SNTB1: variants seen among roughly 807,000 people sequenced by gnomAD.
The protein encoded by SNTB1 is beta-1-syntrophin.
Under a neutral mutation model 48.9 loss-of-function variants are expected in SNTB1, and 36 were observed. The ratio of observed to expected loss-of-function variants is 0.74; its 90% CI spans 0.56 to 0.97. The LOEUF (loss-of-function observed/expected upper bound fraction) is 0.97, where lower values mean the gene tolerates loss of function less well. Ranked by LOEUF, SNTB1 falls within the 50% of genes least tolerant of loss-of-function variation. SNTB1 has a pLI of 0.00. For missense variants in SNTB1, 786 were observed against 703.4 expected, an observed-to-expected ratio of 1.12 and a Z score of -1.33; for synonymous variants, 299 against 294.6, an observed-to-expected ratio of 1.01 and a Z score of -0.15.
rs1039104090 is a variant in SNTB1 at position 120,781,372 on chromosome 8, T to A, written c.571+29901A>T. ...TTATAAGACATCCTGTATTTTGCCA[T>A]TTTTTTTTAACCAAAGATATTTTTC... is the stretch of plus-strand genomic sequence containing the variant. On this transcript the variant is annotated intron_variant, in intron 1 of 6. Transcript: ENST00000517992. 7.3e-5 allele frequency among the ~76,000 whole-genome samples: 11 copies of A among 151,144 alleles called. No individual in the cohort carries two copies. The South Asian group carries it at 2.1e-3, about 29-fold the overall frequency.
chr8:120,653,394 G>A (rs1817440946), intron 2 of SNTB1, among the ~76,000 whole-genome samples: 1 of 152,178 alleles, frequency 6.6e-6, no homozygotes, highest in Admixed American at 6.5e-5. Flanking sequence ...GAATGCCAAT[G>A]AGGGCAGGCA....
intron 1 of SNTB1, among the ~76,000 whole-genome samples, chr8:120,755,142 T>TGTTGTG (rs1393164521): frequency 1.7e-5 from 1 of 59,752 alleles, no homozygotes; most frequent in South Asian, 6.8e-4. Flanking sequence ...TGCTGTGGTG[T>TGTTGTG]TGTGTGTGTG....
chr8:120,804,429 C>T (rs909777751), intron 1 of SNTB1, among the ~76,000 whole-genome samples: 9 of 152,122 alleles, frequency 5.9e-5, no homozygotes, highest in African/African-American at 2.2e-4. Flanking sequence ...CTTGAAGCTC[C>T]CTGAAATCAG....
At chr8:120,546,603 G>A (rs1485658790) in intron 5 of SNTB1, among the ~76,000 whole-genome samples, 2 of 152,110 alleles carry the variant, frequency 1.3e-5, no homozygotes, top group Non-Finnish European at 2.9e-5. Flanking sequence ...CCAAGTAGCT[G>A]GGATTACAGG....
intron 1 of SNTB1, among the ~76,000 whole-genome samples, chr8:120,748,859 C>T (rs138356121): frequency 6.6e-6 from 1 of 152,306 alleles, no homozygotes; most frequent in African/African-American, 2.4e-5. Flanking sequence ...CATGCAACTT[C>T]ACAGCTGTGG....
chr8:120,704,696 AT>A (rs1818354039), intron 1 of SNTB1, among the ~76,000 whole-genome samples: 1 of 152,160 alleles, frequency 6.6e-6, no homozygotes, highest in East Asian at 1.9e-4. Flanking sequence ...GAGGTACATA[AT>A]AGGTGTTGGT....
chr8:120,654,158 A>G (rs939417559), intron 2 of SNTB1, among the ~76,000 whole-genome samples: 1 of 151,240 alleles, frequency 6.6e-6, no homozygotes. Context: ...TGATGTAAGG[A>G]ACATACATAA....
At chr8:120,557,297 C>T (rs1166810677) in intron 4 of SNTB1, among the ~76,000 whole-genome samples, 2 of 152,258 alleles carry the variant, frequency 1.3e-5, no homozygotes, top group Non-Finnish European at 2.9e-5. Flanking sequence ...CTCAAAAGCC[C>T]GTGTTTCCAT....
intron 1 of SNTB1, among the ~76,000 whole-genome samples, chr8:120,807,625 G>A (rs1820357386): frequency 6.6e-6 from 1 of 152,306 alleles, no homozygotes; most frequent in South Asian, 2.1e-4. Context: ...CAGCAGCTTC[G>A]TTTTGACAGC....
intron 1 of SNTB1, among the ~76,000 whole-genome samples, chr8:120,713,902 C>T (rs1818510141): frequency 6.6e-6 from 1 of 151,950 alleles, no homozygotes; most frequent in Non-Finnish European, 1.5e-5. Flanking sequence ...ACATTATTAC[C>T]TGTAAAGGGC....
chr8:120,729,765 C>T (rs561556794), intron 1 of SNTB1, among the ~76,000 whole-genome samples: 2 of 152,344 alleles, frequency 1.3e-5, no homozygotes, highest in Non-Finnish European at 2.9e-5. Flanking sequence ...AGAAGAAGGA[C>T]TATGCCTAAT....
intron 2 of SNTB1, among the ~76,000 whole-genome samples, chr8:120,688,179 G>A (rs1023060626): frequency 6.6e-6 from 1 of 152,116 alleles, no homozygotes; most frequent in Non-Finnish European, 1.5e-5. Context: ...AATCTACAGT[G>A]GACTCTGTTA....
rs373208118 is a variant in SNTB1, at chr8:120,660,151, G to GAACTA, written c.789-27505_789-27501dup. On this transcript the variant is annotated intron_variant, in intron 2 of 6. Coordinates refer to ENST00000517992, the MANE Select transcript of SNTB1 (RefSeq NM_021021.4). Reference sequence around the variant, plus strand: ...ACCATTAGCTTCAACTTAAAGTTACGAACTATATTAGCCCTTAACAAGAGA... The same window carrying GAACTA: ...ACCATTAGCTTCAACTTAAAGTTACGAACTAAACTATATTAGCCCTTAACAAGAGA... Among the ~76,000 whole-genome samples, 520 of 152,246 alleles carry GAACTA rather than the reference G, an allele frequency of 3.4e-3. 3 individuals carry two copies. The highest frequency in any genetic ancestry group is 0.012 in the African/African-American group (497 of 41,536).
chr8:120,772,669 G>T (rs570046204), intron 1 of SNTB1, among the ~76,000 whole-genome samples: 34 of 152,218 alleles, frequency 2.2e-4, no homozygotes, highest in African/African-American at 8.2e-4. Context: ...AAATGAGAAG[G>T]GTGAGGAACA....
chr8:120,669,130 T>G (rs957924673), intron 2 of SNTB1, among the ~76,000 whole-genome samples: 1 of 152,222 alleles, frequency 6.6e-6, no homozygotes, highest in African/African-American at 2.4e-5. Context: ...CATTGACCTT[T>G]CATGAGTTGG....
At chr8:120,559,184 T>TTTATG (rs1815614228) in intron 4 of SNTB1, among the ~76,000 whole-genome samples, 1 of 152,234 alleles carries the variant, frequency 6.6e-6, no homozygotes, top group Non-Finnish European at 1.5e-5. Context: ...TAGCTGAGAT[T>TTTATG]AGATGTTTTA....
chr8:120,687,548 T>G (rs1818054784), intron 2 of SNTB1, among the ~76,000 whole-genome samples: 1 of 152,218 alleles, frequency 6.6e-6, no homozygotes, highest in African/African-American at 2.4e-5. Flanking sequence ...TCAGCTTACT[T>G]GCCTAAAACA....
chr8:120,575,191 G>T lies in SNTB1; in HGVS notation c.1031C>A (p.Ala344Asp), dbSNP rs143249644. 1.4e-5 allele frequency: 23 copies of T among 1,613,968 alleles called. No homozygotes were observed. In the African/African-American group the frequency reaches 2.9e-4, roughly 21 times the overall value. ...GTCTTTCTCAGTCAGCACAACCAGGGCTGGTTTCCACTGTTTCTTGCTCTC... is the reference window on the plus strand; with the variant it reads ...GTCTTTCTCAGTCAGCACAACCAGGTCTGGTTTCCACTGTTTCTTGCTCTC... ...PGESKKQWKPALVVLTEKDLL... is the reference protein window; with the variant it reads ...PGESKKQWKPDLVVLTEKDLL... Residue 344 changes from alanine to aspartate, a missense_variant, in exon 4 of 7, where the codon GCC becomes GAC. Ala to Asp is a moderately radical substitution (Grantham distance 126). Coordinates refer to ENST00000517992, the MANE Select transcript of SNTB1 (RefSeq NM_021021.4).
chr8:120,781,337 G>A (rs934670495), intron 1 of SNTB1, among the ~76,000 whole-genome samples: 1 of 152,174 alleles, frequency 6.6e-6, no homozygotes, highest in African/African-American at 2.4e-5. Flanking sequence ...AGCAGACACT[G>A]TGCTTTGCAT....
Sources: allele counts gnomAD v4.1 joint callset (sites outside exome capture counted in the v4.1 genomes callset), GRCh38; gene constraint gnomAD v4.1.1; transcripts MANE v1.5; gene names NCBI Gene and HGNC (gene_info 2026-07-23, HGNC 2026-07-21).